The following CCDC169 variants were observed in gnomAD, a reference collection of about 807,000 sequenced individuals.
The protein encoded by CCDC169 is coiled-coil domain containing 169.
A neutral mutation model predicts 36.0 loss-of-function variants in CCDC169; 30 were observed. The observed-to-expected ratio is 0.83, with a 90% CI of 0.62 to 1.13. The LOEUF (loss-of-function observed/expected upper bound fraction) is 1.13, where lower values mean the gene tolerates loss of function less well. CCDC169 is among the 50% of genes most tolerant of loss of function. The probability of loss-of-function intolerance (pLI) is 0.00; values close to 1 mark genes in which losing one functional copy is unlikely to be tolerated. For synonymous variants in CCDC169, 85 were observed against 81.5 expected (o/e 1.04, Z -0.23); for missense variants, 245 against 245.9 (o/e 1.00, Z 0.03).
chr13:36,228,515 C>T (rs9531633), downstream of CCDC169, among the ~76,000 whole-genome samples: 61,536 of 151,848 alleles, frequency 0.41, 13,226 homozygotes, highest in Non-Finnish European at 0.48. Context: ...ATCAAAGACC[C>T]TAAACTGTCA....
intron 4 of CCDC169, among the ~76,000 whole-genome samples, chr13:36,254,378 C>T (rs895452321): frequency 2.0e-5 from 3 of 150,548 alleles, no homozygotes; most frequent in South Asian, 2.1e-4. Flanking sequence ...CAGGTCTATG[C>T]GATTCCCCTG....
At position 36,261,185 on chromosome 13, in the gene CCDC169, C is replaced by A. The variant is rs73167294; in HGVS notation, c.316-7042G>T. Among the ~76,000 whole-genome samples, 523 of 152,200 alleles carry A rather than the reference C, an allele frequency of 3.4e-3. 3 individuals are homozygous for A. Among genetic ancestry groups the A allele is most frequent in the Non-Finnish European group, 6.2e-3 (420 of 68,022 alleles). On this transcript the variant is annotated intron_variant, in intron 4 of 7. Coordinates refer to ENST00000239859, the MANE Select transcript of CCDC169 (RefSeq NM_001144981.3). ...GCATCTGGTTTCTGTTCTTGGTCAC[C>A]CCAGTGGGTGGACAATGAGCTCATG...
In CCDC169 at chr13:36,263,935, C is replaced by T. The variant is rs149207787; in HGVS notation, c.316-9792G>A. Among the ~76,000 whole-genome samples, 1,085 of 152,190 alleles carry T rather than the reference C, an allele frequency of 7.1e-3. 14 individuals are homozygous for T. The highest frequency in any genetic ancestry group is 0.025 in the African/African-American group (1,021 of 41,528). ...GTAGTTCAAAATTCTGCCACATGGA[C>T]GCTTGCTCCAAGAATTCCAAGTTTA... On this transcript the variant is annotated intron_variant, in intron 4 of 7. Coordinates refer to ENST00000239859, the MANE Select transcript of CCDC169 (RefSeq NM_001144981.3).
At chr13:36,296,109 T>C (rs564893917) in intron 1 of CCDC169, among the ~76,000 whole-genome samples, 2 of 152,346 alleles carry the variant, frequency 1.3e-5, no homozygotes, top group East Asian at 3.9e-4. Flanking sequence ...TTTATTTTTT[T>C]GAGACAGAAT....
At chr13:36,259,979 C>T (rs1418605272) in intron 4 of CCDC169, among the ~76,000 whole-genome samples, 1 of 152,258 alleles carries the variant, frequency 6.6e-6, no homozygotes, top group African/African-American at 2.4e-5. Flanking sequence ...GCATGGCCTG[C>T]TCCAATGGAG....
At chr13:36,286,696 C>G (rs972710799) in intron 2 of CCDC169, among the ~76,000 whole-genome samples, 1 of 152,086 alleles carries the variant, frequency 6.6e-6, no homozygotes, top group Non-Finnish European at 1.5e-5. Flanking sequence ...TCTTCTCAGC[C>G]AAAACCACCC....
chr13:36,239,132 G>A (rs1044663833), intron 7 of CCDC169, among the ~76,000 whole-genome samples: 2 of 152,002 alleles, frequency 1.3e-5, no homozygotes, highest in Non-Finnish European at 2.9e-5. Flanking sequence ...TAGCTACTCA[G>A]GAGGCTGAGG....
intron 4 of CCDC169, among the ~76,000 whole-genome samples, chr13:36,265,276 C>T (rs1044367997): frequency 5.9e-5 from 9 of 152,144 alleles, no homozygotes; most frequent in Non-Finnish European, 5.9e-5. Flanking sequence ...AGTTTGATCA[C>T]CATTTTCTTG....
chr13:36,242,110 C>T (rs1316679708), intron 7 of CCDC169, among the ~76,000 whole-genome samples: 3 of 152,276 alleles, frequency 2.0e-5, no homozygotes, highest in Admixed American at 6.5e-5. Context: ...GACTGTGATT[C>T]AATTAAACTT....
intron 7 of CCDC169, among the ~76,000 whole-genome samples, chr13:36,234,853 C>T (rs79748727): frequency 0.019 from 2,906 of 152,108 alleles, 41 homozygotes; most frequent in South Asian, 0.044. Flanking sequence ...AATAAAAGGA[C>T]ATTTGATAGA....
At chr13:36,223,355 A>C (rs1237123759), downstream of CCDC169, 1 of 152,174 alleles carries the variant, frequency 6.6e-6, no homozygotes, top group Non-Finnish European at 1.5e-5. Flanking sequence ...CTGCTTAAGC[A>C]ATTTCAACGA....
chr13:36,247,587 G>C (rs1286790605), intron 7 of CCDC169, among the ~76,000 whole-genome samples: 1 of 152,190 alleles, frequency 6.6e-6, no homozygotes, highest in African/African-American at 2.4e-5. Flanking sequence ...AGGAAGTACT[G>C]TAGATGTTTT....
chr13:36,246,039 G>GT (rs1215763127), intron 7 of CCDC169, among the ~76,000 whole-genome samples: 1 of 152,200 alleles, frequency 6.6e-6, no homozygotes, highest in Non-Finnish European at 1.5e-5. Flanking sequence ...ATAAAGGTAT[G>GT]TATGTTCTGA....
At chr13:36,294,604 C>T (rs1020550550) in intron 2 of CCDC169, among the ~76,000 whole-genome samples, 2 of 152,100 alleles carry the variant, frequency 1.3e-5, no homozygotes, top group Non-Finnish European at 2.9e-5. Flanking sequence ...GACAAAACCC[C>T]TCAGACACCA....
At chr13:36,271,600 T>A (rs1876070045) in intron 4 of CCDC169, among the ~76,000 whole-genome samples, 1 of 152,140 alleles carries the variant, frequency 6.6e-6, no homozygotes, top group Non-Finnish European at 1.5e-5. Flanking sequence ...AAATAATGTC[T>A]TTTGCAGTAA....
At chr13:36,273,675 T>C (rs1876397718) in intron 4 of CCDC169, among the ~76,000 whole-genome samples, 1 of 152,216 alleles carries the variant, frequency 6.6e-6, no homozygotes, top group African/African-American at 2.4e-5. Flanking sequence ...ACATTTGAGA[T>C]TGCTAACAAC....
intron 4 of CCDC169, 94 bp downstream of exon 4, chr13:36,283,375 C>A (rs1375729728): frequency 6.0e-6 from 7 of 1,172,394 alleles, no homozygotes; most frequent in South Asian, 1.5e-5. Context: ...TTGGACCTTG[C>A]GCTAGTCTTC....
At chr13:36,248,303 T>A (rs550885969) in intron 7 of CCDC169, among the ~76,000 whole-genome samples, 6 of 152,208 alleles carry the variant, frequency 3.9e-5, no homozygotes, top group African/African-American at 1.2e-4. Flanking sequence ...TATGCCTGTG[T>A]TTATGTTGTT....
chr13:36,253,888 CAT>C, intron 5 of CCDC169, 32 bp from the exon 6 acceptor site: 1 of 1,548,528 alleles, frequency 6.5e-7, no homozygotes, highest in Non-Finnish European at 8.7e-7. Flanking sequence ...AAGGGTCCAA[CAT>C]ATGAGAAGAT....
Sources: allele counts gnomAD v4.1 joint callset (sites outside exome capture counted in the v4.1 genomes callset), GRCh38; gene constraint gnomAD v4.1.1; transcripts MANE v1.5; gene names NCBI Gene and HGNC (gene_info 2026-07-23, HGNC 2026-07-21).